Variants in ADGB observed in about 807,000 individuals in gnomAD.
ADGB encodes calpain-7-like protein.
ADGB carries 172 observed loss-of-function variants against 210.5 expected under a neutral mutation model. That is an observed-to-expected ratio of 0.82 (90% CI 0.72 to 0.93). The LOEUF (loss-of-function observed/expected upper bound fraction) is 0.93, where lower values mean the gene tolerates loss of function less well. ADGB is among the 40% of genes least tolerant of loss of function. The pLI, the probability that ADGB is intolerant of heterozygous loss-of-function variation, is 0.00. For missense variants in ADGB, 2,025 were observed against 1,964.8 expected (o/e 1.03, Z -0.58); for synonymous variants, 658 against 662.7 (o/e 0.99, Z 0.11).
At position 146,801,166 on chromosome 6, in the gene ADGB, G is replaced by A; in HGVS notation, c.4538-17G>A. 3 of 1,411,888 alleles carry A rather than the reference G, an allele frequency of 2.1e-6. No individual in the cohort carries two copies. The highest frequency in any genetic ancestry group is 2.8e-6 in the Non-Finnish European group (3 of 1,057,730). 87.5% of individuals were successfully genotyped at this position (1,411,888 alleles called of 1,614,324 possible). On this transcript the variant is annotated splice_polypyrimidine_tract_variant and intron_variant, in intron 33 of 35. Transcript: ENST00000397944. ...TTAAAGCCTAGGTTTTTTGTTGTGT[G>A]TGTGTTTTTTTTAAAGAAACAGGAC...
chr6:146,692,916 G>A lies in ADGB; in HGVS notation c.1577+1G>A. 1.4e-6 allele frequency: 2 copies of A among 1,457,038 alleles called. No homozygotes were observed. The highest frequency in any genetic ancestry group is 1.9e-6 in the Non-Finnish European group (2 of 1,067,904). 90.3% of individuals were successfully genotyped at this position (1,457,038 alleles called of 1,614,324 possible). A position where few individuals can be genotyped will look rare whatever the true frequency, so the allele number is the denominator to read the frequency against. ...CTCCATTTACAATTCCAACAGAAATGTAAGTATTAACATTCTTCCTCACAA... is the reference window on the plus strand; with the variant it reads ...CTCCATTTACAATTCCAACAGAAATATAAGTATTAACATTCTTCCTCACAA... On this transcript the variant is annotated splice_donor_variant, in intron 12 of 35. Coordinates refer to ENST00000397944, the MANE Select transcript of ADGB (RefSeq NM_024694.4). LOFTEE classifies it high-confidence loss of function.
chr6:146,683,101 T>G (rs1776179506), intron 9 of ADGB, among the ~76,000 whole-genome samples: 1 of 152,048 alleles, frequency 6.6e-6, no homozygotes, highest in Non-Finnish European at 1.5e-5. Context: ...GATGACATGC[T>G]TATTTGGCCA....
intron 4 of ADGB, 149 bp downstream of exon 4, chr6:146,654,355 A>C: frequency 2.6e-6 from 1 of 390,360 alleles, no homozygotes; most frequent in Non-Finnish European, 4.7e-6. Context: ...AAAAATATAT[A>C]TGGGGGTGGG....
rs572143240 is a variant in ADGB at position 146,598,995 on chromosome 6, C to G, written c.-46C>G. ...GCAGACGCGGAGCCGAGCGCGCCCG[C>G]AGGCTCTTTGCTCAGAGCTCAGCCC... On this transcript the variant is annotated 5_prime_UTR_variant, in exon 1 of 36. Coordinates refer to ENST00000397944, the MANE Select transcript of ADGB (RefSeq NM_024694.4). The G allele has an allele frequency of 1.3e-6, 2 of 1,516,378 alleles. No individual in the cohort carries two copies. The highest frequency in any genetic ancestry group is 1.8e-6 in the Non-Finnish European group (2 of 1,115,514). The allele number at this position is 1,516,378 out of a possible 1,614,324, so 93.9% of individuals were successfully genotyped here.
At position 146,715,384 on chromosome 6, in the gene ADGB, A is replaced by T; in HGVS notation, c.1710A>T (p.Gly570=). The T allele has an allele frequency of 6.7e-7, 1 of 1,500,428 alleles. No homozygotes were observed. Among genetic ancestry groups the T allele is most frequent in the African/African-American group, 1.4e-5 (1 of 69,356 alleles). 92.9% of individuals were successfully genotyped at this position (1,500,428 alleles called of 1,614,324 possible). A position where few individuals can be genotyped will look rare whatever the true frequency, so the allele number is the denominator to read the frequency against. The change falls in exon 14 of 36, where the codon GGA becomes GGT. Residue 570 remains glycine, a splice_region_variant and synonymous_variant. Transcript: ENST00000397944. ...AGTGTGTTTCTTTTAATTCATAGGGAAATACTGCTTCACAAGTTATACTTG... is the reference window on the plus strand; with the variant it reads ...AGTGTGTTTCTTTTAATTCATAGGGTAATACTGCTTCACAAGTTATACTTG... The part of the protein sequence containing the change: ...LSQITKATSQ[G]NTASQVILGK...
chr6:146,690,734 G>A (rs1776292698), intron 10 of ADGB, among the ~76,000 whole-genome samples: 2 of 152,148 alleles, frequency 1.3e-5, no homozygotes, highest in Admixed American at 1.3e-4. Flanking sequence ...AAATTAGGTA[G>A]CAATGGCTAG....
intron 28 of ADGB, among the ~76,000 whole-genome samples, chr6:146,767,619 C>T (rs1175309382): frequency 2.0e-5 from 3 of 152,100 alleles, no homozygotes; most frequent in Non-Finnish European, 4.4e-5. Flanking sequence ...TAGGCACATG[C>T]CCCCACACCC....
At chr6:146,744,338 C>G (rs904613107) in intron 25 of ADGB, among the ~76,000 whole-genome samples, 19 of 152,182 alleles carry the variant, frequency 1.2e-4, no homozygotes, top group African/African-American at 4.6e-4. Flanking sequence ...GCAGGCTCAT[C>G]CAGAGGCATC....
At chr6:146,685,638 A>G in intron 9 of ADGB, 96 bp from the exon 10 acceptor site, 1 of 561,936 alleles carries the variant, frequency 1.8e-6, no homozygotes, top group Non-Finnish European at 2.9e-6. Context: ...CAGCCCGAAG[A>G]TAAATTCATT....
intron 25 of ADGB, among the ~76,000 whole-genome samples, chr6:146,745,104 A>C (rs185690426): frequency 1.5e-4 from 23 of 152,268 alleles, no homozygotes; most frequent in Admixed American, 1.4e-3. Context: ...GATGTGTATG[A>C]AACTTTTAAA....
At chr6:146,659,782 G>C (rs745954680) in intron 5 of ADGB, among the ~76,000 whole-genome samples, 1 of 152,038 alleles carries the variant, frequency 6.6e-6, no homozygotes. Flanking sequence ...ATATCATCTC[G>C]TCAAGTGCCT....
intron 12 of ADGB, among the ~76,000 whole-genome samples, chr6:146,700,667 T>C (rs772288221): frequency 1.3e-5 from 2 of 152,166 alleles, no homozygotes; most frequent in Non-Finnish European, 2.9e-5. Flanking sequence ...GTTTTGATCA[T>C]CAAAATTCAA....
intron 1 of ADGB, among the ~76,000 whole-genome samples, chr6:146,601,611 T>C (rs1780557979): frequency 6.6e-6 from 1 of 152,218 alleles, no homozygotes. Flanking sequence ...AGTTTTTATG[T>C]CATTTTACCA....
At chr6:146,741,941 G>A (rs1293263345) in intron 25 of ADGB, among the ~76,000 whole-genome samples, 2 of 152,154 alleles carry the variant, frequency 1.3e-5, no homozygotes, top group African/African-American at 4.8e-5. Context: ...CCTTTCTGCA[G>A]CTTTATGTCT....
At chr6:146,786,722 C>A (rs1354935583) in intron 32 of ADGB, among the ~76,000 whole-genome samples, 1 of 152,178 alleles carries the variant, frequency 6.6e-6, no homozygotes, top group African/African-American at 2.4e-5. Context: ...CTCAAGTACT[C>A]ACTCCTCTAA....
At chr6:146,779,347 G>A (rs1050343705) in intron 29 of ADGB, among the ~76,000 whole-genome samples, 3 of 152,172 alleles carry the variant, frequency 2.0e-5, no homozygotes, top group Admixed American at 2.0e-4. Context: ...ACACATACCA[G>A]CATGTACATA....
intron 2 of ADGB, among the ~76,000 whole-genome samples, chr6:146,637,558 C>A (rs1775443126): frequency 6.6e-6 from 1 of 151,860 alleles, no homozygotes; most frequent in Non-Finnish European, 1.5e-5. Context: ...AACACTCCAG[C>A]TTTTTTAGAC....
chr6:146,726,282 CAT>C, intron 19 of ADGB, 85 bp downstream of exon 19: 2 of 925,294 alleles, frequency 2.2e-6, no homozygotes, highest in Non-Finnish European at 3.3e-6. Context: ...AGTGCAGTGG[CAT>C]GATCTTGGCT....
rs1193307054 is a variant in ADGB, at chr6:146,724,251, T to C, written c.2161T>C (p.Ser721Pro). 7 of 1,551,100 alleles carry C rather than the reference T, an allele frequency of 4.5e-6. No individual in the cohort carries two copies. In the Admixed American group the frequency reaches 5.9e-5, roughly 13 times the overall value. The stretch of plus-strand genomic sequence containing the variant: ...CACAGCTGAAACGTTTTCTTGGAAA[T>C]CCCTGAAACCAGGCAGTCTTGTTCT... ...LLTAETFSWKSLKPGSLVLKI... is the reference protein window; with the variant it reads ...LLTAETFSWKPLKPGSLVLKI... The change falls in exon 18 of 36, where the codon TCC (serine) becomes CCC (proline). Residue 721 changes from serine (S) to proline (P), a missense_variant. Ser to Pro is a moderately conservative substitution (Grantham distance 74). Coordinates refer to ENST00000397944, the MANE Select transcript of ADGB (RefSeq NM_024694.4).
Sources: gnomAD v4.1 joint callset for allele counts (sites outside exome capture counted in the v4.1 genomes callset) on GRCh38, gnomAD v4.1.1 for gene constraint, MANE v1.5 for transcripts, NCBI Gene and HGNC (gene_info 2026-07-23, HGNC 2026-07-21) for gene names.